SENP5: variants seen among roughly 807,000 people sequenced by gnomAD.
SENP5 encodes sentrin-specific protease 5.
In SENP5, 21 loss-of-function variants were observed where a neutral mutation model predicts 74.2. That is an observed-to-expected ratio of 0.28 (90% confidence interval 0.20 to 0.41). SENP5 has a LOEUF of 0.41. Ranked by LOEUF, SENP5 falls within the 10% of genes least tolerant of loss-of-function variation. The pLI is 1.00. For missense variants in SENP5, 717 were observed against 889.1 expected (o/e 0.81, Z 2.46); for synonymous variants, 311 against 312.7 (o/e 0.99, Z 0.06).
intron 5 of SENP5, among the ~76,000 whole-genome samples, chr3:196,903,162 C>T (rs575369538): frequency 4.6e-5 from 7 of 152,064 alleles, no homozygotes; most frequent in Non-Finnish European, 5.9e-5. Flanking sequence ...TTTTTTGAGA[C>T]GGAGTTTTGC....
At chr3:196,890,441 A>C (rs544216390) in intron 2 of SENP5, among the ~76,000 whole-genome samples, 12 of 152,328 alleles carry the variant, frequency 7.9e-5, no homozygotes, top group African/African-American at 2.9e-4. Context: ...TACTTGTTGC[A>C]GTTTCATAAT....
rs1218068745 is a variant in SENP5 at position 196,885,640 on chromosome 3, T to G, written c.459T>G (p.Asn153Lys). Residue 153 changes from asparagine (N) to lysine (K), a missense_variant, in exon 2 of 10, where the codon AAT (asparagine) becomes AAG (lysine). By Grantham distance (94) the Asn-to-Lys change is moderately conservative. Transcript: ENST00000323460. ...CAAATAGTGCTTTAGGTCAGGCCAA[T>G]GGTCACAGACCTAGGACAGACCCAC... ...FPSNSALGQA[N>K]GHRPRTDPQP... is the part of the protein sequence containing the mutation. 8 of 1,614,080 alleles carry G rather than the reference T, an allele frequency of 5.0e-6. No homozygotes were observed. The highest frequency in any genetic ancestry group is 2.7e-5 in the African/African-American group (2 of 74,942).
chr3:196,902,451 T>A (rs959618101), intron 5 of SENP5, among the ~76,000 whole-genome samples: 2 of 152,236 alleles, frequency 1.3e-5, no homozygotes, highest in African/African-American at 4.8e-5. Flanking sequence ...GTCTGTATGT[T>A]AAGCTGCATG....
At chr3:196,919,114 C>T (rs1715510202) in intron 6 of SENP5, among the ~76,000 whole-genome samples, 1 of 151,310 alleles carries the variant, frequency 6.6e-6, no homozygotes, top group African/African-American at 2.4e-5. Context: ...GGAAAAGAGC[C>T]AGAGAGAGAG....
rs576498651 is a variant in SENP5, at chr3:196,909,941, TAGAA to T, written c.1884+6335_1884+6338del. Among the ~76,000 whole-genome samples, 568 of 152,262 alleles carry T rather than the reference TAGAA, an allele frequency of 3.7e-3. 2 individuals are homozygous for T. The highest frequency in any genetic ancestry group is 5.6e-3 in the Non-Finnish European group (382 of 68,018). ...GAGAAAGAAATACAGGGTATTCAGA[TAGAA>T]AGAGAGGAAGTCAAATTGTCTCTTG... is the stretch of plus-strand genomic sequence containing the variant. On this transcript the variant is annotated intron_variant, in intron 6 of 9. Coordinates refer to ENST00000323460, the MANE Select transcript of SENP5 (RefSeq NM_152699.5).
chr3:196,930,208 C>T (rs1364808762), intron 9 of SENP5, among the ~76,000 whole-genome samples: 1 of 152,108 alleles, frequency 6.6e-6, no homozygotes, highest in Non-Finnish European at 1.5e-5. Flanking sequence ...CTTGGAAGAC[C>T]GGTTCGTTTG....
chr3:196,922,204 A>G (rs566838128), intron 6 of SENP5, among the ~76,000 whole-genome samples: 3 of 152,174 alleles, frequency 2.0e-5, no homozygotes, highest in Admixed American at 2.0e-4. Flanking sequence ...ATATTCTTTT[A>G]TTACTCTTAA....
chr3:196,871,543 A>G (rs527327971), intron 1 of SENP5, among the ~76,000 whole-genome samples: 176 of 152,204 alleles, frequency 1.2e-3, no homozygotes, highest in African/African-American at 3.9e-3. Flanking sequence ...ATTTTCAAGA[A>G]TTTTTTAACT....
intron 1 of SENP5, among the ~76,000 whole-genome samples, chr3:196,874,213 T>G (rs199871089): frequency 1.3e-5 from 1 of 75,824 alleles, no homozygotes; most frequent in Non-Finnish European, 2.5e-5. Context: ...GGAATGATGG[T>G]AAAATGTGTC....
chr3:196,926,933 C>T (rs529129730), intron 7 of SENP5, among the ~76,000 whole-genome samples: 5 of 152,168 alleles, frequency 3.3e-5, no homozygotes, highest in African/African-American at 4.8e-5. Flanking sequence ...TGTGAGCCAC[C>T]GCGTCTGGCC....
intron 2 of SENP5, among the ~76,000 whole-genome samples, chr3:196,897,969 C>T (rs111453741): frequency 4.6e-5 from 7 of 151,170 alleles, no homozygotes; most frequent in Admixed American, 1.3e-4. Context: ...GTCAGGAGTT[C>T]GAGACCAGCC....
Position 196,886,190 on chromosome 3 carries a change from G to C in SENP5, c.1009G>C (p.Glu337Gln), listed in dbSNP as rs773860984. 3.7e-6 allele frequency: 6 copies of C among 1,614,176 alleles called. No individual in the cohort carries two copies. The highest frequency in any genetic ancestry group is 5.1e-6 in the Non-Finnish European group (6 of 1,180,026). ...HTKGSSFLGK[E>Q]LSLDEAFPDQ... ...TAAAGGAAGCTCTTTCTTGGGCAAG[G>C]AGCTTAGTTTAGACGAAGCATTCCC... The change falls in exon 2 of 10, where the codon GAG (glutamate) becomes CAG (glutamine). Residue 337 changes from glutamate to glutamine, a missense_variant. Glu to Gln is a conservative substitution (Grantham distance 29). Coordinates refer to ENST00000323460, the MANE Select transcript of SENP5 (RefSeq NM_152699.5).
intron 6 of SENP5, chr3:196,914,158 A>G (rs1221119041): frequency 1.3e-5 from 2 of 152,182 alleles, no homozygotes; most frequent in Non-Finnish European, 1.5e-5. Flanking sequence ...AAAGAGCCAG[A>G]TAATAAATAC....
intron 1 of SENP5, among the ~76,000 whole-genome samples, chr3:196,877,916 T>C (rs146494996): frequency 6.6e-6 from 1 of 152,184 alleles, no homozygotes; most frequent in African/African-American, 2.4e-5. Context: ...CTGGTACATA[T>C]TGGTCAGCAA....
chr3:196,899,314 A>G (rs1281970427), intron 2 of SENP5, among the ~76,000 whole-genome samples: 1 of 152,180 alleles, frequency 6.6e-6, no homozygotes, highest in East Asian at 1.9e-4. Context: ...ACATTTGACT[A>G]TGTGATTAAG....
rs1271742531 is a variant in SENP5, at chr3:196,930,834, G to C, written c.2179G>C (p.Glu727Gln). The stretch of plus-strand genomic sequence containing the variant: ...GCAGTACTGCAAGTGCCTCGCCTTA[G>C]AGCAGCCTTTCCAGTTTTCACAAGA... ...VLQYCKCLAL[E>Q]QPFQFSQEDM... Residue 727 changes from glutamate to glutamine, a missense_variant, in exon 10 of 10, where the codon GAG (glutamate) becomes CAG (glutamine). Glu to Gln is a conservative substitution (Grantham distance 29, BLOSUM62 2). Coordinates refer to ENST00000323460, the MANE Select transcript of SENP5 (RefSeq NM_152699.5). 1.9e-6 allele frequency: 3 copies of C among 1,613,828 alleles called. No individual in the cohort carries two copies. The highest frequency in any genetic ancestry group is 2.5e-6 in the Non-Finnish European group (3 of 1,179,800).
intron 5 of SENP5, among the ~76,000 whole-genome samples, chr3:196,901,834 A>G (rs767052946): frequency 6.6e-6 from 1 of 152,240 alleles, no homozygotes; most frequent in South Asian, 2.1e-4. Flanking sequence ...TTGTACATTT[A>G]ATTCTAAACA....
At chr3:196,897,454 GT>G (rs1714490801) in intron 2 of SENP5, among the ~76,000 whole-genome samples, 1 of 152,176 alleles carries the variant, frequency 6.6e-6, no homozygotes, top group Admixed American at 6.5e-5. Context: ...CAGAATGGAC[GT>G]GAGAAAGGAC....
intron 6 of SENP5, among the ~76,000 whole-genome samples, chr3:196,912,409 C>T (rs141299047): frequency 1.2e-3 from 182 of 152,004 alleles, no homozygotes; most frequent in African/African-American, 4.0e-3. Flanking sequence ...CAACATACAC[C>T]GGGGCCTGTC....
Sources: gnomAD v4.1 joint callset for allele counts (sites outside exome capture counted in the v4.1 genomes callset) on GRCh38, gnomAD v4.1.1 for gene constraint, MANE v1.5 for transcripts, NCBI Gene and HGNC (gene_info 2026-07-23, HGNC 2026-07-21) for gene names.